Variants in JAZF1 observed in about 807,000 individuals in gnomAD.
JAZF1 encodes JAZF zinc finger 1.
Under a neutral mutation model 26.4 loss-of-function variants are expected in JAZF1, and 8 were observed. That is an observed-to-expected ratio of 0.30 (90% CI 0.18 to 0.55). JAZF1 has a LOEUF of 0.55. Among genes scored for constraint, JAZF1 ranks in the 20% least tolerant of loss-of-function variants. The pLI, the probability that JAZF1 is intolerant of heterozygous loss-of-function variation, is 0.94. For synonymous variants in JAZF1, 126 were observed against 122.3 expected (o/e 1.03, Z -0.20); for missense variants, 199 against 322.0 (o/e 0.62, Z 2.92).
intron 3 of JAZF1, among the ~76,000 whole-genome samples, chr7:27,889,812 A>G (rs1783938381): frequency 6.6e-6 from 1 of 152,094 alleles, no homozygotes; most frequent in African/African-American, 2.4e-5. Flanking sequence ...GCGCACCTGT[A>G]TTCCCAGCTA....
chr7:27,979,420 G>C (rs958603845), intron 2 of JAZF1, among the ~76,000 whole-genome samples: 1 of 70,948 alleles, frequency 1.4e-5, no homozygotes, highest in African/African-American at 5.2e-5. Flanking sequence ...ACAGAGTCTT[G>C]TTCTATCACC....
intron 2 of JAZF1, among the ~76,000 whole-genome samples, chr7:27,973,936 C>A (rs1346489237): frequency 6.6e-6 from 1 of 152,050 alleles, no homozygotes; most frequent in Admixed American, 6.6e-5. Context: ...CAAGTAAGGA[C>A]AAGAGCAGGG....
intron 1 of JAZF1, among the ~76,000 whole-genome samples, chr7:28,040,084 T>C (rs901532509): frequency 6.6e-6 from 1 of 152,176 alleles, no homozygotes; most frequent in African/African-American, 2.4e-5. Flanking sequence ...GTCCAGATAA[T>C]GCAAACCTAA....
At chr7:27,928,998 C>A (rs114761369) in intron 2 of JAZF1, among the ~76,000 whole-genome samples, 1 of 152,152 alleles carries the variant, frequency 6.6e-6, no homozygotes, top group Non-Finnish European at 1.5e-5. Flanking sequence ...AGGGCATGGA[C>A]GATGCTCACC....
intron 1 of JAZF1, among the ~76,000 whole-genome samples, chr7:28,027,372 C>A (rs1286819998): frequency 6.6e-6 from 1 of 152,092 alleles, no homozygotes; most frequent in Non-Finnish European, 1.5e-5. Context: ...GGGTTATGTT[C>A]TTGTTTGGTT....
At chr7:27,927,259 T>C (rs999472092) in intron 2 of JAZF1, among the ~76,000 whole-genome samples, 1 of 152,158 alleles carries the variant, frequency 6.6e-6, no homozygotes, top group Non-Finnish European at 1.5e-5. Flanking sequence ...GGAGCCCCCA[T>C]CCCAATTTCT....
intron 1 of JAZF1, among the ~76,000 whole-genome samples, chr7:28,060,010 T>C (rs1443022047): frequency 6.6e-6 from 1 of 152,216 alleles, no homozygotes; most frequent in Non-Finnish European, 1.5e-5. Context: ...TCCTTGTCTT[T>C]TAGCCCCCTT....
rs149643430 is a variant in JAZF1, at chr7:28,158,186, C to CACACACACACAGAG, written c.115+22276_115+22277insCTCTGTGTGTGTGT. On this transcript the variant is annotated intron_variant, in intron 1 of 4. Coordinates refer to ENST00000283928, the MANE Select transcript of JAZF1 (RefSeq NM_175061.4). ...ACACACAAACACACACACACACACA[C>CACACACACACAGAG]AGAGAGAGAGAGAGAGAGGGAGAGA... is the stretch of plus-strand genomic sequence containing the variant. Among the ~76,000 whole-genome samples, 251 of 143,420 alleles carry CACACACACACAGAG rather than the reference C, an allele frequency of 1.8e-3. 1 individual carries two copies. The highest frequency in any genetic ancestry group is 2.9e-3 in the Non-Finnish European group (191 of 66,352). The allele number at this position is 143,420 out of a possible 152,430, so 94.1% of individuals were successfully genotyped here. A position where few individuals can be genotyped will look rare whatever the true frequency, so the allele number is the denominator to read the frequency against.
intron 3 of JAZF1, among the ~76,000 whole-genome samples, chr7:27,881,243 C>A (rs1188938095): frequency 6.6e-6 from 1 of 152,150 alleles, no homozygotes; most frequent in Non-Finnish European, 1.5e-5. Flanking sequence ...GTGGCAGTAG[C>A]CCATCTAGCC....
intron 2 of JAZF1, among the ~76,000 whole-genome samples, chr7:27,971,511 A>G (rs1199429123): frequency 6.6e-6 from 1 of 152,224 alleles, no homozygotes; most frequent in Non-Finnish European, 1.5e-5. Context: ...GGCTCAGCAT[A>G]ATGAACCTCA....
intron 1 of JAZF1, among the ~76,000 whole-genome samples, chr7:28,134,687 T>A (rs528445213): frequency 2.0e-5 from 3 of 152,176 alleles, no homozygotes; most frequent in Admixed American, 1.3e-4. Flanking sequence ...CTGCAGGCCA[T>A]CAATTAGAAC....
At chr7:28,180,311 C>G (rs1476848837) in intron 1 of JAZF1, 152 bp downstream of exon 1, 1 of 260,862 alleles carries the variant, frequency 3.8e-6, no homozygotes, top group East Asian at 6.8e-5. Context: ...CTCGCGCCCC[C>G]GCATCCCGCC....
intron 2 of JAZF1, among the ~76,000 whole-genome samples, chr7:27,905,105 T>G (rs1784229446): frequency 6.8e-6 from 1 of 147,950 alleles, no homozygotes; most frequent in Non-Finnish European, 1.5e-5. Flanking sequence ...AGCTAATTTT[T>G]GTATTTTTTG....
intron 1 of JAZF1, among the ~76,000 whole-genome samples, chr7:28,158,186 C>CACACACACACAGAGAG (rs149643430): frequency 7.0e-6 from 1 of 143,346 alleles, no homozygotes; most frequent in Admixed American, 7.0e-5. Flanking sequence ...CACACACACA[C>CACACACACACAGAGAG]AGAGAGAGAG....
chr7:27,837,446 A>G (rs1782836767), intron 4 of JAZF1, among the ~76,000 whole-genome samples: 1 of 152,242 alleles, frequency 6.6e-6, no homozygotes, highest in Non-Finnish European at 1.5e-5. Flanking sequence ...CCCATGGGCT[A>G]CACCTTGATT....
intron 1 of JAZF1, among the ~76,000 whole-genome samples, chr7:28,015,879 T>C (rs1264071833): frequency 6.6e-6 from 1 of 152,126 alleles, no homozygotes; most frequent in Non-Finnish European, 1.5e-5. Flanking sequence ...GTGATGGAGA[T>C]GCTCTAGGTC....
At chr7:28,065,641 C>T (rs1003544147) in intron 1 of JAZF1, among the ~76,000 whole-genome samples, 2 of 152,154 alleles carry the variant, frequency 1.3e-5, no homozygotes, top group African/African-American at 4.8e-5. Flanking sequence ...TGCCTAGCAT[C>T]TTGTTATCTA....
chr7:28,005,386 T>C (rs1011631926), intron 1 of JAZF1, among the ~76,000 whole-genome samples: 1 of 150,920 alleles, frequency 6.6e-6, no homozygotes, highest in Non-Finnish European at 1.5e-5. Context: ...CGTTACTTCC[T>C]ATCTCCCAGG....
chr7:28,157,091 A>G (rs1783197117), intron 1 of JAZF1, among the ~76,000 whole-genome samples: 1 of 152,208 alleles, frequency 6.6e-6, no homozygotes, highest in Admixed American at 6.5e-5. Flanking sequence ...GGTCTGCTCA[A>G]TGTAACTCAA....
Sources: gnomAD v4.1 joint callset for allele counts (sites outside exome capture counted in the v4.1 genomes callset) on GRCh38, gnomAD v4.1.1 for gene constraint, MANE v1.5 for transcripts, NCBI Gene and HGNC (gene_info 2026-07-23, HGNC 2026-07-21) for gene names.